Variants in KLC3 observed in about 807,000 individuals in gnomAD.
The protein encoded by KLC3 is kinesin light chain 3, also known as kinesin light chain 2.
A neutral mutation model predicts 62.9 loss-of-function variants in KLC3; 72 were observed. The observed-to-expected ratio is 1.15, with a 90% CI of 0.95 to 1.39. KLC3 has a LOEUF of 1.39. KLC3 is among the 40% of genes most tolerant of loss of function. The pLI, the probability that KLC3 is intolerant of heterozygous loss-of-function variation, is 0.00. For synonymous variants in KLC3, 377 were observed against 300.5 expected (o/e 1.25, Z -2.63); for missense variants, 848 against 691.6 (o/e 1.23, Z -2.54).
chr19:45,343,675 G>T (rs1204046489), intron 1 of KLC3, among the ~76,000 whole-genome samples: 1 of 152,114 alleles, frequency 6.6e-6, no homozygotes, highest in African/African-American at 2.4e-5. Context: ...TGTGTTGGGA[G>T]TGTATACAGA....
At chr19:45,343,686 T>C (rs376359310) in intron 1 of KLC3, among the ~76,000 whole-genome samples, 22 of 152,224 alleles carry the variant, frequency 1.4e-4, no homozygotes, top group African/African-American at 4.1e-4. Flanking sequence ...TGTATACAGA[T>C]TGTTTTTGAA....
intron 2 of KLC3, 66 bp downstream of exon 2, chr19:45,345,865 A>AG: frequency 6.9e-7 from 1 of 1,457,896 alleles, no homozygotes; most frequent in Non-Finnish European, 9.1e-7. Flanking sequence ...GCCAGGCATG[A>AG]GGGGGACAGG....
intron 3 of KLC3, 88 bp from the exon 4 acceptor site, chr19:45,347,359 A>G: frequency 9.6e-7 from 1 of 1,037,788 alleles, no homozygotes; most frequent in South Asian, 1.5e-5. Flanking sequence ...AAAAAAAACA[A>G]AAAAACAAAA....
At chr19:45,343,625 G>C (rs932990036) in intron 1 of KLC3, among the ~76,000 whole-genome samples, 1 of 152,054 alleles carries the variant, frequency 6.6e-6, no homozygotes, top group Admixed American at 6.6e-5. Flanking sequence ...GTGAGCCACC[G>C]CGCCCAGGCT....
intron 1 of KLC3, among the ~76,000 whole-genome samples, chr19:45,343,950 T>C (rs557119348): frequency 3.9e-5 from 6 of 152,178 alleles, no homozygotes; most frequent in Admixed American, 3.9e-4. Flanking sequence ...GCAATCCTTC[T>C]ACCTCAGCCT....
At chr19:45,341,588 C>CGCGCGCGCGT (rs1568519380) in intron 1 of KLC3, among the ~76,000 whole-genome samples, 3 of 132,344 alleles carry the variant, frequency 2.3e-5, no homozygotes, top group African/African-American at 6.2e-5. Flanking sequence ...TGCGCGCGCG[C>CGCGCGCGCGT]GTGTGGTGGA....
rs537467016 is a variant in KLC3 at position 45,351,104 on chromosome 19, TGG to T, written c.1443+88_1443+89del. The T allele has an allele frequency of 1.8e-4, 296 of 1,609,066 alleles. 1 individual carries two copies. In the African/African-American group the frequency reaches 3.2e-3, roughly 17 times the overall value. On this transcript the variant is annotated intron_variant, in intron 12 of 12. Coordinates refer to ENST00000391946, the MANE Select transcript of KLC3 (RefSeq NM_177417.3). ...AAAGGCAGGGCGGTCGGGCCAGTGG[TGG>T]AGTCAGCAGGTGGTGGGTTGGTGTC...
At chr19:45,345,942 G>A (rs1008351976) in intron 2 of KLC3, 143 bp downstream of exon 2, 5 of 947,400 alleles carry the variant, frequency 5.3e-6, no homozygotes, top group Middle Eastern at 6.8e-4. Context: ...GAGGTGGGCA[G>A]ATCACTTGAG....
intron 2 of KLC3, among the ~76,000 whole-genome samples, chr19:45,346,264 C>A (rs1251185143): frequency 6.6e-6 from 1 of 151,974 alleles, no homozygotes; most frequent in East Asian, 1.9e-4. Context: ...AGATGGAGTC[C>A]CTTGGCAGCT....
intron 4 of KLC3, 54 bp downstream of exon 4, chr19:45,347,570 G>A (rs974554468): frequency 8.0e-6 from 12 of 1,508,432 alleles, no homozygotes; most frequent in African/African-American, 1.4e-5. Flanking sequence ...TGGGGAGGGG[G>A]CTCTGAGCTG....
chr19:45,349,531 C>CG lies in KLC3; in HGVS notation c.1075dup (p.Ala359GlyfsTer6), dbSNP rs763155527. 403 of 1,613,434 alleles carry CG rather than the reference C, an allele frequency of 2.5e-4. 1 individual carries two copies. The highest frequency in any genetic ancestry group is 6.6e-4 in the Middle Eastern group (4 of 6,082). ...TGAGGACGTGGAGCGGCACTATGCCCGGGCCCTGAGCATCTATGAGGCACT... is the reference window on the plus strand; with the variant it reads ...TGAGGACGTGGAGCGGCACTATGCCCGGGGCCCTGAGCATCTATGAGGCACT... On this transcript the variant is annotated frameshift_variant, in exon 8 of 13. Coordinates refer to ENST00000391946, the MANE Select transcript of KLC3 (RefSeq NM_177417.3). LOFTEE classifies it high-confidence loss of function.
chr19:45,345,090 G>T (rs147279754), intron 1 of KLC3: 2,259 of 169,050 alleles, frequency 0.013, 27 homozygotes, highest in Non-Finnish European at 0.02. Flanking sequence ...CACACGCCCC[G>T]CCTCACTCTG....
rs745359111 is a variant in KLC3 at position 45,351,363 on chromosome 19, A to G, written c.*6A>G. 8.7e-6 allele frequency: 14 copies of G among 1,610,020 alleles called. No homozygotes were observed. The African/African-American group carries it at 1.6e-4, about 18-fold the overall frequency. On this transcript the variant is annotated 3_prime_UTR_variant, in exon 13 of 13. Transcript: ENST00000391946. ...AGGACCTGAGCCCCCACTAACGTCC[A>G]GTGAACTGCGCTGGCCGCAGCTTCT...
chr19:45,351,053 C>G (rs1186873308), intron 12 of KLC3, 36 bp downstream of exon 12: 1 of 1,613,792 alleles, frequency 6.2e-7, no homozygotes, highest in Non-Finnish European at 8.5e-7. Flanking sequence ...TAGAGGAGGC[C>G]ATGTGGGTAG....
rs1971650898 is a variant in KLC3, at chr19:45,350,100, C to T, written c.1144-241C>T. ...CTCTGCCCCAGGGCAAGGCTTTAGGCAGGGGAAGGATACGGCCAGGTCAGC... is the reference window on the plus strand; with the variant it reads ...CTCTGCCCCAGGGCAAGGCTTTAGGTAGGGGAAGGATACGGCCAGGTCAGC... On this transcript the variant is annotated intron_variant, in intron 8 of 12. Transcript: ENST00000391946. 5 of 537,582 alleles carry T rather than the reference C, an allele frequency of 9.3e-6. No individual in the cohort carries two copies. The Middle Eastern group carries it at 1.5e-3, about 162-fold the overall frequency. The allele number at this position is 537,582 out of a possible 1,614,324, so 33.3% of individuals were successfully genotyped here. A position where few individuals can be genotyped will look rare whatever the true frequency, so the allele number is the denominator to read the frequency against.
intron 12 of KLC3, 93 bp from the exon 13 acceptor site, chr19:45,351,193 A>C: frequency 6.3e-7 from 1 of 1,585,542 alleles, no homozygotes; most frequent in East Asian, 2.2e-5. Context: ...AGGGGGTTGG[A>C]TAGTTGGCTG....
chr19:45,351,435 A>ATCATC lies in KLC3; in HGVS notation c.*81_*85dup. 1 of 1,588,420 alleles carries ATCATC rather than the reference A, an allele frequency of 6.3e-7. No homozygotes were observed. Among genetic ancestry groups the ATCATC allele is most frequent in the Non-Finnish European group, 8.5e-7 (1 of 1,170,524 alleles). ...GGGCTGGTGGGGTGAGAGGGGGTCTATCATCTCCTGGCCCCCCCTTGCCTC... is the reference window on the plus strand; with the variant it reads ...GGGCTGGTGGGGTGAGAGGGGGTCTATCATCTCATCTCCTGGCCCCCCCTTGCCTC... On this transcript the variant is annotated 3_prime_UTR_variant, in exon 13 of 13. Coordinates refer to ENST00000391946, the MANE Select transcript of KLC3 (RefSeq NM_177417.3).
chr19:45,351,485 TCTC>T lies in KLC3; in HGVS notation c.*131_*133del, dbSNP rs1450139499. 8 of 1,588,888 alleles carry T rather than the reference TCTC, an allele frequency of 5.0e-6. No homozygotes were observed. Among genetic ancestry groups the T allele is most frequent in the Admixed American group, 1.7e-5 (1 of 59,354 alleles). Reference sequence around the variant, plus strand: ...CTGGGTACCTGGTGGATAGCTGCCTTCTCCTGCGATTAAAGGCTGTGGACGTGA... The same window carrying T: ...CTGGGTACCTGGTGGATAGCTGCCTTCTGCGATTAAAGGCTGTGGACGTGA... On this transcript the variant is annotated 3_prime_UTR_variant, in exon 13 of 13. Coordinates refer to ENST00000391946, the MANE Select transcript of KLC3 (RefSeq NM_177417.3).
chr19:45,347,477 C>G lies in KLC3; in HGVS notation c.520C>G (p.Leu174Val), dbSNP rs1971531201. ...QSESPPRRDS[L>V]ASLFPSEEEE... ...TGAGTCCCCGCCTCGCCGAGACAGC[C>G]TGGCCTCCCTGTTCCCCAGCGAGGA... The change falls in exon 4 of 13, where the codon CTG becomes GTG. Residue 174 changes from leucine to valine, a missense_variant. By Grantham distance (32) the Leu-to-Val change is conservative (BLOSUM62 1). Coordinates refer to ENST00000391946, the MANE Select transcript of KLC3 (RefSeq NM_177417.3). 4 of 1,612,956 alleles carry G rather than the reference C, an allele frequency of 2.5e-6. No individual in the cohort carries two copies. The highest frequency in any genetic ancestry group is 2.5e-6 in the Non-Finnish European group (3 of 1,179,464).
Sources: gnomAD v4.1 joint callset for allele counts (sites outside exome capture counted in the v4.1 genomes callset) on GRCh38, gnomAD v4.1.1 for gene constraint, MANE v1.5 for transcripts, NCBI Gene and HGNC (gene_info 2026-07-23, HGNC 2026-07-21) for gene names.